Variants in TYW1B observed in about 807,000 individuals in gnomAD.
TYW1B encodes the protein tRNA-yW synthesizing protein 1 homolog B.
TYW1B carries 73 observed loss-of-function variants against 86.9 expected under a neutral mutation model. That is an observed-to-expected ratio of 0.84 (90% CI 0.70 to 1.02). The LOEUF (loss-of-function observed/expected upper bound fraction) is 1.02. Among genes scored for constraint, TYW1B ranks in the 50% least tolerant of loss-of-function variants. The pLI is 0.00. For missense variants in TYW1B, 637 were observed against 827.4 expected (o/e 0.77, Z 2.82); for synonymous variants, 248 against 292.8 (o/e 0.85, Z 1.56).
At chr7:72,796,829 A>C (rs559475619) in intron 6 of TYW1B, among the ~76,000 whole-genome samples, 1 of 151,436 alleles carries the variant, frequency 6.6e-6, no homozygotes, top group Non-Finnish European at 1.5e-5. Context: ...CTGCGGCACA[A>C]TAAAGAATAT....
chr7:72,723,241 A>C (rs1554457975), intron 9 of TYW1B, among the ~76,000 whole-genome samples: 1 of 152,206 alleles, frequency 6.6e-6, no homozygotes, highest in Non-Finnish European at 1.5e-5. Flanking sequence ...CCCTGGGGTT[A>C]TTTGTTAAAA....
chr7:72,826,991 T>C lies in TYW1B; in HGVS notation c.5-6A>G, dbSNP rs181359186. ...CCATGTATCCGCAGAAGGATCTAAA[T>C]TTAAAATGACACACACAGATAATTT... On this transcript the variant is annotated splice_polypyrimidine_tract_variant and splice_region_variant and intron_variant, in intron 1 of 13. Coordinates refer to ENST00000620995, the MANE Select transcript of TYW1B (RefSeq NM_001145440.3). The C allele has an allele frequency of 7.4e-5, 118 of 1,600,718 alleles. No homozygotes were observed. The highest frequency in any genetic ancestry group is 9.1e-5 in the Non-Finnish European group (107 of 1,175,848).
chr7:72,772,617 A>G (rs1374905327), intron 7 of TYW1B, among the ~76,000 whole-genome samples: 3 of 152,108 alleles, frequency 2.0e-5, no homozygotes, highest in Non-Finnish European at 4.4e-5. Context: ...AGGCCAAAGT[A>G]ATCTCATTTC....
At chr7:72,708,242 A>G (rs1327563803) in intron 10 of TYW1B, among the ~76,000 whole-genome samples, 5 of 152,172 alleles carry the variant, frequency 3.3e-5, no homozygotes, top group Admixed American at 6.6e-5. Flanking sequence ...CAGACTATTG[A>G]CAAAGTCTAG....
chr7:72,649,388 T>A (rs1319138648), intron 11 of TYW1B, among the ~76,000 whole-genome samples: 6 of 152,168 alleles, frequency 3.9e-5, no homozygotes, highest in Admixed American at 3.3e-4. Context: ...AGGTGCCCTA[T>A]CTACAGAATA....
At chr7:72,595,189 A>C (rs1291413023) in intron 13 of TYW1B, among the ~76,000 whole-genome samples, 1 of 152,238 alleles carries the variant, frequency 6.6e-6, no homozygotes, top group Non-Finnish European at 1.5e-5. Flanking sequence ...GGAGAGGAAA[A>C]AGTAAAATAA....
At chr7:72,767,674 T>C (rs1554468789) in intron 7 of TYW1B, among the ~76,000 whole-genome samples, 1 of 151,850 alleles carries the variant, frequency 6.6e-6, no homozygotes, top group Non-Finnish European at 1.5e-5. Flanking sequence ...TAGTAACTCA[T>C]AAAAAATTAA....
intron 11 of TYW1B, among the ~76,000 whole-genome samples, chr7:72,693,409 C>CT (rs35021264): frequency 0.74 from 95,902 of 129,428 alleles, 36,051 homozygotes; most frequent in Non-Finnish European, 0.8. Context: ...TTGCAGACAT[C>CT]TTTTTTTTTT....
At chr7:72,610,822 A>G (rs1811917211) in intron 13 of TYW1B, among the ~76,000 whole-genome samples, 1 of 152,104 alleles carries the variant, frequency 6.6e-6, no homozygotes, top group Non-Finnish European at 1.5e-5. Context: ...CAGCTTTTCA[A>G]TCCATCCCCT....
At chr7:72,740,797 C>T (rs1472824520) in intron 8 of TYW1B, among the ~76,000 whole-genome samples, 1 of 142,490 alleles carries the variant, frequency 7.0e-6, no homozygotes, top group Non-Finnish European at 1.5e-5. Flanking sequence ...GTGGCGTGAT[C>T]TCGGCTCACT....
chr7:72,828,131 G>T lies in TYW1B; in HGVS notation c.-56C>A. On this transcript the variant is annotated 5_prime_UTR_variant, in exon 1 of 14. Coordinates refer to ENST00000620995, the MANE Select transcript of TYW1B (RefSeq NM_001145440.3). ...TCGGACCTGGAGAGCCCAAAGGTTC[G>T]CACTGGTACTGCGAGACGCACCGAG... 6.2e-7 allele frequency: 1 copy of T among 1,610,808 alleles called. No individual in the cohort carries two copies. The highest frequency in any genetic ancestry group is 8.5e-7 in the Non-Finnish European group (1 of 1,178,648).
chr7:72,772,932 T>C lies in TYW1B; in HGVS notation c.964+4484A>G, dbSNP rs187624134. Among the ~76,000 whole-genome samples the C allele has an allele frequency of 3.9e-5, 6 of 152,350 alleles. No homozygotes were observed. In the East Asian group the frequency reaches 5.8e-4, roughly 15 times the overall value. On this transcript the variant is annotated intron_variant, in intron 7 of 13. Transcript: ENST00000620995. ...TGTCTTGTAACCTCTTCTGTATTTA[T>C]GTAAACATCTTGCATATAAATAAAC...
chr7:72,645,175 G>C (rs1554441895), intron 11 of TYW1B, among the ~76,000 whole-genome samples: 1 of 152,150 alleles, frequency 6.6e-6, no homozygotes, highest in African/African-American at 2.4e-5. Flanking sequence ...AAAGACACCT[G>C]ATAAACTGAC....
At chr7:72,758,496 C>G (rs73356480) in intron 7 of TYW1B, among the ~76,000 whole-genome samples, 2,200 of 151,744 alleles carry the variant, frequency 0.014, 66 homozygotes, top group African/African-American at 0.05. Context: ...TGTTTGTTAT[C>G]TGGTTCACAT....
chr7:72,806,979 C>T (rs1165808066), intron 5 of TYW1B, 87 bp downstream of exon 5: 11 of 1,504,850 alleles, frequency 7.3e-6, no homozygotes, highest in African/African-American at 4.1e-5. Flanking sequence ...CAGAAGCCAA[C>T]GAGATGGTTT....
chr7:72,612,819 G>A (rs777507868), intron 13 of TYW1B, among the ~76,000 whole-genome samples: 7 of 151,528 alleles, frequency 4.6e-5, no homozygotes, highest in Admixed American at 6.6e-5. Context: ...GCATAATCAC[G>A]GGTCACTGCA....
intron 2 of TYW1B, among the ~76,000 whole-genome samples, chr7:72,820,973 T>A: frequency 6.6e-6 from 1 of 152,164 alleles, no homozygotes; most frequent in Non-Finnish European, 1.5e-5. Context: ...CACTTAGATT[T>A]TTTTTGTTGT....
chr7:72,764,368 C>T (rs368114609), intron 7 of TYW1B, among the ~76,000 whole-genome samples: 3 of 152,156 alleles, frequency 2.0e-5, no homozygotes, highest in Admixed American at 6.5e-5. Context: ...CTGCAACCTC[C>T]GCCTCCCGGG....
chr7:72,793,394 A>C (rs1249391969), intron 6 of TYW1B, among the ~76,000 whole-genome samples: 5 of 152,156 alleles, frequency 3.3e-5, no homozygotes, highest in African/African-American at 1.2e-4. Context: ...CAAAGAGAGG[A>C]TCAGATCAAG....
Sources: gnomAD v4.1 joint callset for allele counts (sites outside exome capture counted in the v4.1 genomes callset) on GRCh38, gnomAD v4.1.1 for gene constraint, MANE v1.5 for transcripts, NCBI Gene and HGNC (gene_info 2026-07-23, HGNC 2026-07-21) for gene names.